The following IL1RAPL1 variants were observed in gnomAD, a reference collection of about 807,000 sequenced individuals.
IL1RAPL1 encodes interleukin 1 receptor accessory protein like 1, also known as interleukin-1 receptor accessory protein-like 1.
Under a neutral mutation model 48.4 loss-of-function variants are expected in IL1RAPL1, and 3 were observed. The ratio of observed to expected loss-of-function variants is 0.06; its 90% confidence interval spans 0.03 to 0.16. The LOEUF is 0.16. IL1RAPL1 is among the 10% of genes least tolerant of loss of function. IL1RAPL1 has a pLI of 1.00. For missense variants in IL1RAPL1, 349 were observed against 530.6 expected, an observed-to-expected ratio of 0.66 and a Z score of 3.36; for synonymous variants, 185 against 187.7, an observed-to-expected ratio of 0.99 and a Z score of 0.12.
At chrX:29,877,510 A>AT (rs375223476) in intron 6 of IL1RAPL1, among the ~76,000 whole-genome samples, 12 of 112,185 alleles carry the variant, frequency 1.1e-4, no homozygotes, top group African/African-American at 3.9e-4. Context: ...TAATCACTAC[A>AT]TTTTCAAAAA....
chrX:29,092,394 A>G (rs1170749470), intron 2 of IL1RAPL1, among the ~76,000 whole-genome samples: 1 of 111,982 alleles, frequency 8.9e-6, no homozygotes, highest in Non-Finnish European at 1.9e-5. Flanking sequence ...TAAAAACAAA[A>G]TAGCACACTG....
intron 6 of IL1RAPL1, among the ~76,000 whole-genome samples, chrX:29,805,903 T>C (rs2147174654): frequency 9.2e-6 from 1 of 108,744 alleles, no homozygotes. Context: ...GAAAATTGTA[T>C]ATAAGTAAGG....
At chrX:29,608,471 AAGG>A (rs71882168) in intron 5 of IL1RAPL1, among the ~76,000 whole-genome samples, 40,773 of 107,971 alleles carry the variant, frequency 0.38, 6,119 homozygotes, top group South Asian at 0.53. Flanking sequence ...GGAAGAAAGA[AAGG>A]AGGAAAAGTA....
intron 3 of IL1RAPL1, chrX:29,369,982 A>G (rs748151905): frequency 8.9e-6 from 1 of 111,924 alleles, no homozygotes; most frequent in Non-Finnish European, 1.9e-5. Context: ...AGTTTTAAAA[A>G]TTTATGATTC....
At position 29,103,868 on chromosome X, in the gene IL1RAPL1, A is replaced by G. The variant is rs756052141; in HGVS notation, c.83-179070A>G. Among the ~76,000 whole-genome samples, 12 of 112,208 alleles carry G rather than the reference A, an allele frequency of 1.1e-4. No individual in the cohort carries two copies. The East Asian group carries it at 3.4e-3, about 32-fold the overall frequency. ...GTAAATGGTAAATAGGTCTATGAAA[A>G]GGTACTCAACATCACTGATCATCAG... On this transcript the variant is annotated intron_variant, in intron 2 of 10. Coordinates refer to ENST00000378993, the MANE Select transcript of IL1RAPL1 (RefSeq NM_014271.4).
At chrX:28,992,517 A>G (rs1487320294) in intron 2 of IL1RAPL1, among the ~76,000 whole-genome samples, 1 of 107,456 alleles carries the variant, frequency 9.3e-6, no homozygotes. Context: ...AAAAAAAAAA[A>G]GAAGAAAAAA....
At chrX:29,759,147 G>C (rs1048322143) in intron 6 of IL1RAPL1, among the ~76,000 whole-genome samples, 1 of 112,117 alleles carries the variant, frequency 8.9e-6, no homozygotes, top group Non-Finnish European at 1.9e-5. Flanking sequence ...AAACCACCTA[G>C]CTTCATTCAT....
intron 2 of IL1RAPL1, chrX:28,982,855 C>G (rs1925376605): frequency 9.0e-6 from 1 of 110,536 alleles, no homozygotes; most frequent in Non-Finnish European, 1.9e-5. Flanking sequence ...AATAAAAAGC[C>G]TACAGCACCC....
At chrX:29,790,420 T>A (rs1376529722) in intron 6 of IL1RAPL1, among the ~76,000 whole-genome samples, 1 of 112,059 alleles carries the variant, frequency 8.9e-6, no homozygotes, top group African/African-American at 3.2e-5. Context: ...ATCTTTATAG[T>A]TTAATCACAC....
At chrX:29,593,239 G>A (rs1923439889) in intron 5 of IL1RAPL1, among the ~76,000 whole-genome samples, 1 of 111,262 alleles carries the variant, frequency 9.0e-6, no homozygotes, top group African/African-American at 3.3e-5. Context: ...CCCCTCGTTA[G>A]TCAGGCTTCA....
At position 29,782,104 on chromosome X, in the gene IL1RAPL1, A is replaced by ATCTG. The variant is rs1276381755; in HGVS notation, c.778+113603_778+113604insGTCT. ...TGTCTGTCTGTCTGTCTGTCTGTCTATCTATCTATCTATCTATCTATCTAT... is the reference window on the plus strand; with the variant it reads ...TGTCTGTCTGTCTGTCTGTCTGTCTATCTGTCTATCTATCTATCTATCTATCTAT... On this transcript the variant is annotated intron_variant, in intron 6 of 10. Coordinates refer to ENST00000378993, the MANE Select transcript of IL1RAPL1 (RefSeq NM_014271.4). Among the ~76,000 whole-genome samples, 6 of 99,127 alleles carry ATCTG rather than the reference A, an allele frequency of 6.1e-5. No homozygotes were observed. The East Asian group carries it at 2.2e-3, about 36-fold the overall frequency. The allele number at this position is 99,127 out of a possible 115,157, so 86.1% of individuals were successfully genotyped here. A position where few individuals can be genotyped will look rare whatever the true frequency, so the allele number is the denominator to read the frequency against.
chrX:29,034,651 A>T (rs1057341741), intron 2 of IL1RAPL1, among the ~76,000 whole-genome samples: 1 of 111,376 alleles, frequency 9.0e-6, no homozygotes, highest in African/African-American at 3.3e-5. Context: ...TTTACAAAAT[A>T]AGTTAGGAAT....
intron 2 of IL1RAPL1, among the ~76,000 whole-genome samples, chrX:29,130,840 A>G (rs1929005079): frequency 8.9e-6 from 1 of 112,453 alleles, no homozygotes; most frequent in Admixed American, 9.5e-5. Flanking sequence ...AGTTTTAAAA[A>G]TTACTTACCT....
intron 1 of IL1RAPL1, among the ~76,000 whole-genome samples, chrX:28,694,035 A>C (rs1366156770): frequency 1.8e-5 from 2 of 111,639 alleles, no homozygotes; most frequent in African/African-American, 6.5e-5. Flanking sequence ...ACACTTGTCG[A>C]ACACGTGCTT....
chrX:29,238,729 A>G (rs2147562928), intron 2 of IL1RAPL1, among the ~76,000 whole-genome samples: 1 of 112,198 alleles, frequency 8.9e-6, no homozygotes, highest in Non-Finnish European at 1.9e-5. Flanking sequence ...TTTTAGTTAT[A>G]TATTCAGTGA....
chrX:29,589,674 A>G (rs73452565), intron 5 of IL1RAPL1, among the ~76,000 whole-genome samples: 18 of 111,474 alleles, frequency 1.6e-4, no homozygotes, highest in African/African-American at 4.9e-4. Context: ...GTGCTATTAT[A>G]TATTAATTAG....
At chrX:28,876,519 C>T (rs1198158530) in intron 2 of IL1RAPL1, among the ~76,000 whole-genome samples, 3 of 111,342 alleles carry the variant, frequency 2.7e-5, no homozygotes, top group Admixed American at 9.5e-5. Flanking sequence ...CATCCCATCT[C>T]GGCAAACAAA....
chrX:28,962,287 A>T (rs1924800197), intron 2 of IL1RAPL1, among the ~76,000 whole-genome samples: 1 of 112,111 alleles, frequency 8.9e-6, no homozygotes. Flanking sequence ...GTCCGCTTAC[A>T]CATTATGAGT....
chrX:29,611,790 T>G (rs1924101082), intron 5 of IL1RAPL1, among the ~76,000 whole-genome samples: 1 of 110,266 alleles, frequency 9.1e-6, no homozygotes. Flanking sequence ...TTTTATTGAG[T>G]GATGGAGGTG....
Sources: allele counts gnomAD v4.1 joint callset (sites outside exome capture counted in the v4.1 genomes callset), GRCh38; gene constraint gnomAD v4.1.1; transcripts MANE v1.5; gene names NCBI Gene and HGNC (gene_info 2026-07-23, HGNC 2026-07-21).